The following CHTOP variants were observed in gnomAD, a reference collection of about 807,000 sequenced individuals.
CHTOP encodes the protein chromatin target of PRMT1, also known as chromatin target of PRMT1 protein.
CHTOP carries 18 observed loss-of-function variants against 33.6 expected under a neutral mutation model. That is an observed-to-expected ratio of 0.54 (90% CI 0.37 to 0.80). The LOEUF (loss-of-function observed/expected upper bound fraction) is 0.80. Among genes scored for constraint, CHTOP ranks in the 30% least tolerant of loss-of-function variants. The probability of loss-of-function intolerance (pLI) is 0.00; values close to 1 mark genes in which losing one functional copy is unlikely to be tolerated. For synonymous variants in CHTOP, 117 were observed against 127.7 expected (o/e 0.92, Z 0.56); for missense variants, 263 against 336.8 (o/e 0.78, Z 1.71).
In CHTOP at chr1:153,642,425, C is replaced by T. The variant is rs151196153; in HGVS notation, c.399C>T (p.Leu133=). The T allele has an allele frequency of 3.1e-6, 5 of 1,612,534 alleles. No individual in the cohort carries two copies. The African/African-American group carries it at 6.7e-5, about 22-fold the overall frequency. The part of the protein sequence containing the change: ...TRTLLRGGMS[L]RGQNLLRGGR... Reference sequence around the variant, plus strand: ...CCCTACTTAGGGGCGGGATGTCACTCCGAGGTCAGTGCTGTGTACCCTGAT... The same window carrying T: ...CCCTACTTAGGGGCGGGATGTCACTTCGAGGTCAGTGCTGTGTACCCTGAT... The change falls in exon 4 of 6, where the codon CTC becomes CTT. Residue 133 remains leucine (L), a synonymous_variant. Coordinates refer to ENST00000368694, the MANE Select transcript of CHTOP (RefSeq NM_015607.4).
At chr1:153,635,932 GTTAT>G (rs1327641990) in intron 1 of CHTOP, among the ~76,000 whole-genome samples, 6 of 151,956 alleles carry the variant, frequency 3.9e-5, no homozygotes, top group East Asian at 1.9e-4. Flanking sequence ...TTTGTTTGGG[GTTAT>G]TTGTTTGTTT....
rs1668764400 is a variant in CHTOP at position 153,645,118 on chromosome 1, G to C, written c.596G>C (p.Arg199Pro). The change falls in exon 6 of 6, where the codon CGT becomes CCT. Residue 199 changes from arginine to proline, a missense_variant. This residue lies in a region of CHTOP where 168 missense variants were observed against 179.9 expected (regional missense o/e 0.93). Coordinates refer to ENST00000368694, the MANE Select transcript of CHTOP (RefSeq NM_015607.4). ...RGGFGGRGRG[R>P]GRGRGALARP... ...GGCTTTGGAGGCCGAGGCCGAGGCC[G>C]TGGACGAGGGAGAGGTGCCCTTGCT... is the stretch of plus-strand genomic sequence containing the variant. The C allele has an allele frequency of 6.2e-7, 1 of 1,613,796 alleles. No homozygotes were observed. The highest frequency in any genetic ancestry group is 8.5e-7 in the Non-Finnish European group (1 of 1,180,022).
Position 153,638,350 on chromosome 1 carries a change from A to G in CHTOP, c.121A>G (p.Met41Val), listed in dbSNP as rs764549310. 7.4e-6 allele frequency: 12 copies of G among 1,614,248 alleles called. No individual in the cohort carries two copies. The South Asian group carries it at 1.3e-4, about 18-fold the overall frequency. ...QPTPVNIRAS[M>V]QQQQQLASAR... Reference sequence around the variant, plus strand: ...GACGCCAGTGAATATTCGGGCTTCGATGCAGCAACAACAGCAGCTAGCCAG... The same window carrying G: ...GACGCCAGTGAATATTCGGGCTTCGGTGCAGCAACAACAGCAGCTAGCCAG... Residue 41 changes from methionine (M) to valine (V), a missense_variant, in exon 3 of 6, where the codon ATG becomes GTG. Physicochemically the swap from Met to Val is conservative, Grantham distance 21. This residue lies in a region of CHTOP where 73 missense variants were observed against 108.9 expected (regional missense o/e 0.67). Coordinates refer to ENST00000368694, the MANE Select transcript of CHTOP (RefSeq NM_015607.4).
intron 3 of CHTOP, chr1:153,639,530 C>T: frequency 3.1e-6 from 1 of 317,796 alleles, no homozygotes; most frequent in Non-Finnish European, 4.5e-6. Flanking sequence ...CCACCCTGAA[C>T]CATTGGGCTC....
chr1:153,634,349 T>A lies in CHTOP; in HGVS notation c.-18+6T>A, dbSNP rs966323412. The stretch of plus-strand genomic sequence containing the variant: ...ACTGGCGTCTGTTTCCTTCGGTGAG[T>A]TTCGGTAGTGAGAAGGAGCCGGGGG... On this transcript the variant is annotated splice_donor_region_variant and intron_variant, in intron 1 of 5. Coordinates refer to ENST00000368694, the MANE Select transcript of CHTOP (RefSeq NM_015607.4). 1 of 152,696 alleles carries A rather than the reference T, an allele frequency of 6.5e-6. No individual in the cohort carries two copies. The highest frequency in any genetic ancestry group is 1.5e-5 in the Non-Finnish European group (1 of 68,178). The allele number at this position is 152,696 out of a possible 1,614,324, so 9.5% of individuals were successfully genotyped here. A position where few individuals can be genotyped will look rare whatever the true frequency, so the allele number is the denominator to read the frequency against.
At chr1:153,640,145 A>G (rs1241522716) in intron 3 of CHTOP, among the ~76,000 whole-genome samples, 1 of 152,202 alleles carries the variant, frequency 6.6e-6, no homozygotes, top group Admixed American at 6.5e-5. Context: ...ACATGTGGCT[A>G]TTGAAAACTT....
chr1:153,635,733 G>GA (rs1265542682), intron 1 of CHTOP, among the ~76,000 whole-genome samples: 1 of 151,690 alleles, frequency 6.6e-6, no homozygotes. Context: ...TGAGGCAGGA[G>GA]AATGGCTTGA....
intron 5 of CHTOP, chr1:153,644,187 G>C (rs890381891): frequency 3.3e-5 from 5 of 152,192 alleles, no homozygotes; most frequent in African/African-American, 4.8e-5. Context: ...AGTTGCCAAG[G>C]AATAATAACT....
chr1:153,638,527 T>C, intron 3 of CHTOP, 79 bp downstream of exon 3: 1 of 1,528,564 alleles, frequency 6.5e-7, no homozygotes, highest in Non-Finnish European at 9.0e-7. Flanking sequence ...CAGGACGTGA[T>C]GGATGATTGC....
intron 4 of CHTOP, 123 bp from the exon 5 acceptor site, chr1:153,643,104 C>A: frequency 8.7e-7 from 1 of 1,143,840 alleles, no homozygotes; most frequent in Non-Finnish European, 1.3e-6. Flanking sequence ...ATGCAGCTTG[C>A]CCCAGCCAAC....
chr1:153,645,002 A>G, intron 5 of CHTOP, 62 bp from the exon 6 acceptor site: 2 of 1,499,106 alleles, frequency 1.3e-6, no homozygotes, highest in Non-Finnish European at 1.8e-6. Context: ...GGCATTTACT[A>G]CAGCACCTAT....
intron 2 of CHTOP, chr1:153,637,502 G>C (rs1668448994): frequency 6.6e-6 from 1 of 152,124 alleles, no homozygotes; most frequent in African/African-American, 2.4e-5. Context: ...AGAAAAATTA[G>C]CTGGGCGTGG....
At chr1:153,636,789 C>T (rs1327698127) in intron 2 of CHTOP, 136 bp downstream of exon 2, 1 of 683,808 alleles carries the variant, frequency 1.5e-6, no homozygotes, top group East Asian at 2.8e-5. Context: ...AGTTGCATCT[C>T]ATGTGGTACA....
At chr1:153,634,546 G>T (rs1668244137) in intron 1 of CHTOP, 1 of 86,024 alleles carries the variant, frequency 1.2e-5, no homozygotes, top group Non-Finnish European at 2.5e-5. Flanking sequence ...TGGAGGTTGG[G>T]GTTTGATAGG....
rs556840052 is a variant in CHTOP, at chr1:153,641,161, T to C, written c.220-1085T>C. Among the ~76,000 whole-genome samples the C allele has an allele frequency of 3.9e-5, 6 of 152,378 alleles. No individual in the cohort carries two copies. The South Asian group carries it at 1.2e-3, about 32-fold the overall frequency. On this transcript the variant is annotated intron_variant, in intron 3 of 5. Coordinates refer to ENST00000368694, the MANE Select transcript of CHTOP (RefSeq NM_015607.4). ...CAATTTATGATCTTGTGCTAGAAAG[T>C]TAATAATGCTTCACAGCATCTTTTT...
chr1:153,643,275 TAAG>T lies in CHTOP; in HGVS notation c.457_459del (p.Arg153del). The T allele has an allele frequency of 6.2e-7, 1 of 1,614,112 alleles. No individual in the cohort carries two copies. The highest frequency in any genetic ancestry group is 8.5e-7 in the Non-Finnish European group (1 of 1,179,988). On this transcript the variant is annotated inframe_deletion, in exon 5 of 6. Transcript: ENST00000368694. ...CGAGCCGTAGCTCCCCGAATGGGCT[TAAG>T]AAGAGGTGGTGTTCGAGGTCGTGGA... is the stretch of plus-strand genomic sequence containing the variant.
intron 3 of CHTOP, chr1:153,639,494 C>T (rs1285097249): frequency 1.6e-6 from 1 of 619,112 alleles, no homozygotes; most frequent in African/African-American, 2.0e-5. Flanking sequence ...ATAAATTCAG[C>T]AGTTAAATAT....
chr1:153,636,339 T>C (rs1668399781), intron 1 of CHTOP, among the ~76,000 whole-genome samples: 1 of 151,230 alleles, frequency 6.6e-6, no homozygotes, highest in Non-Finnish European at 1.5e-5. Flanking sequence ...GGAAAATCCT[T>C]TGAGGCCAGG....
chr1:153,638,662 A>G (rs1314586523), intron 3 of CHTOP: 6 of 592,850 alleles, frequency 1.0e-5, no homozygotes, highest in East Asian at 5.9e-5. Context: ...TTTGCCATCT[A>G]TGTGGCCTGT....
Sources: gnomAD v4.1 joint callset for allele counts (sites outside exome capture counted in the v4.1 genomes callset) on GRCh38, gnomAD v4.1.1 for gene constraint, gnomAD v4.1.1 regional missense constraint, MANE v1.5 for transcripts, NCBI Gene and HGNC (gene_info 2026-07-23, HGNC 2026-07-21) for gene names.